Variants in CSMD1 observed in about 807,000 individuals in gnomAD.
The protein encoded by CSMD1 is CUB and Sushi multiple domains 1, also known as CUB and sushi domain-containing protein 1.
CSMD1 carries 213 observed loss-of-function variants against 417.5 expected under a neutral mutation model. The ratio of observed to expected loss-of-function variants is 0.51; its 90% confidence interval spans 0.46 to 0.57. The LOEUF is 0.57. Among genes scored for constraint, CSMD1 ranks in the 20% least tolerant of loss-of-function variants. The probability of loss-of-function intolerance (pLI) is 0.00; values close to 1 mark genes in which losing one functional copy is unlikely to be tolerated. For synonymous variants in CSMD1, 2,862 were observed against 1,736.8 expected (o/e 1.65, Z -16.11); for missense variants, 6,923 against 4,529.7 (o/e 1.53, Z -15.17).
intron 2 of CSMD1, among the ~76,000 whole-genome samples, chr8:4,555,872 G>C (rs1013592936): frequency 6.8e-4 from 104 of 152,090 alleles, no homozygotes; most frequent in African/African-American, 2.4e-3. Context: ...AGACTGAAAA[G>C]ACTTTCTTTA....
intron 1 of CSMD1, among the ~76,000 whole-genome samples, chr8:4,977,626 C>A (rs1399109245): frequency 6.6e-6 from 1 of 152,204 alleles, no homozygotes; most frequent in Non-Finnish European, 1.5e-5. Flanking sequence ...CCACCCACAG[C>A]TGCTGCCTTA....
intron 1 of CSMD1, among the ~76,000 whole-genome samples, chr8:4,943,922 G>C (rs1310624618): frequency 6.6e-6 from 1 of 152,206 alleles, no homozygotes; most frequent in Non-Finnish European, 1.5e-5. Flanking sequence ...GGAGGGCCGA[G>C]CTGGATATTG....
chr8:3,294,244 C>G (rs571386043), intron 25 of CSMD1, among the ~76,000 whole-genome samples: 2 of 151,520 alleles, frequency 1.3e-5, no homozygotes, highest in African/African-American at 4.8e-5. Context: ...CTGGGGGGTG[C>G]CTCCCAGTTA....
At chr8:4,554,164 T>C (rs1797991535) in intron 2 of CSMD1, among the ~76,000 whole-genome samples, 1 of 152,056 alleles carries the variant, frequency 6.6e-6, no homozygotes. Flanking sequence ...TGAGGCAGAG[T>C]CTCGATCTGT....
rs114989898 is a variant in CSMD1, at chr8:3,836,883, G to A, written c.819-82841C>T. On this transcript the variant is annotated intron_variant, in intron 5 of 69. Transcript: ENST00000635120. The stretch of plus-strand genomic sequence containing the variant: ...TATTTAATATAACTTGACTAAAGCA[G>A]TTCTTTAACATTTTTTTTTCAGGAC... Among the ~76,000 whole-genome samples the A allele has an allele frequency of 3.6e-3, 547 of 151,848 alleles. 3 individuals carry two copies. Among genetic ancestry groups the A allele is most frequent in the African/African-American group, 0.012 (516 of 41,424 alleles).
At chr8:3,984,152 C>G (rs1329036504) in intron 5 of CSMD1, among the ~76,000 whole-genome samples, 2 of 152,154 alleles carry the variant, frequency 1.3e-5, no homozygotes, top group Non-Finnish European at 1.5e-5. Flanking sequence ...AATTGCAGCT[C>G]TAGAGCACAT....
intron 5 of CSMD1, among the ~76,000 whole-genome samples, chr8:3,851,412 C>T (rs1184510024): frequency 2.6e-5 from 4 of 152,198 alleles, no homozygotes; most frequent in African/African-American, 9.7e-5. Context: ...ATATGTAGCA[C>T]TACCAATTTC....
chr8:3,096,318 T>C (rs886436579), intron 47 of CSMD1, among the ~76,000 whole-genome samples: 1 of 152,192 alleles, frequency 6.6e-6, no homozygotes, highest in African/African-American at 2.4e-5. Context: ...CCACCTATCG[T>C]GGGACAAATC....
At chr8:3,687,813 C>A (rs1223640497) in intron 7 of CSMD1, among the ~76,000 whole-genome samples, 1 of 152,178 alleles carries the variant, frequency 6.6e-6, no homozygotes, top group African/African-American at 2.4e-5. Flanking sequence ...AAGTCTCTCT[C>A]GAGAAAGGTA....
chr8:4,797,371 G>C (rs17432441), intron 1 of CSMD1, among the ~76,000 whole-genome samples: 18,924 of 152,246 alleles, frequency 0.12, 1,552 homozygotes, highest in Non-Finnish European at 0.18. Context: ...CTGTGAAAGA[G>C]TGTTCCGCCT....
chr8:3,839,061 T>A (rs1221013478), intron 5 of CSMD1, among the ~76,000 whole-genome samples: 3 of 127,022 alleles, frequency 2.4e-5, no homozygotes, highest in African/African-American at 8.6e-5. Context: ...ATATATAGCC[T>A]ATAGATATAT....
At chr8:4,834,906 G>A (rs555070512) in intron 1 of CSMD1, among the ~76,000 whole-genome samples, 2 of 127,782 alleles carry the variant, frequency 1.6e-5, no homozygotes, top group Admixed American at 9.5e-5. Context: ...GCAGTGATCT[G>A]AGATGGCGCC....
chr8:4,003,708 G>C lies in CSMD1; in HGVS notation c.611-5598C>G, dbSNP rs888891017. On this transcript the variant is annotated intron_variant, in intron 4 of 69. Coordinates refer to ENST00000635120, the MANE Select transcript of CSMD1 (RefSeq NM_033225.6). The stretch of plus-strand genomic sequence containing the variant: ...CCTAATATCAACATGCATTAACACA[G>C]TGCTTCAGGCGATTTACCAACACAG... Among the ~76,000 whole-genome samples, 3 of 152,102 alleles carry C rather than the reference G, an allele frequency of 2.0e-5. No individual in the cohort carries two copies. The South Asian group carries it at 6.2e-4, about 31-fold the overall frequency.
chr8:4,013,105 C>G (rs752176577), intron 4 of CSMD1, among the ~76,000 whole-genome samples: 5 of 152,108 alleles, frequency 3.3e-5, no homozygotes, highest in African/African-American at 4.8e-5. Context: ...CTGTGTCACA[C>G]GATGTCGTTT....
In CSMD1 at chr8:3,738,327, T is replaced by A. The variant is rs17067262; in HGVS notation, c.931+15603A>T. ...TGTATGTGTATTTTGCATATTTCAA[T>A]ACATCGTACAATGCATACAGGCATT... On this transcript the variant is annotated intron_variant, in intron 6 of 69. Transcript: ENST00000635120. Among the ~76,000 whole-genome samples, 1,223 of 152,326 alleles carry A rather than the reference T, an allele frequency of 8.0e-3. 18 individuals carry two copies. Among genetic ancestry groups the A allele is most frequent in the African/African-American group, 0.028 (1,151 of 41,570 alleles).
chr8:3,872,171 G>A (rs1005259190), intron 5 of CSMD1, among the ~76,000 whole-genome samples: 1 of 152,104 alleles, frequency 6.6e-6, no homozygotes, highest in Non-Finnish European at 1.5e-5. Flanking sequence ...TGGATCCTCA[G>A]TTAAATTACA....
In CSMD1 at chr8:4,886,196, G is replaced by T. The variant is rs148023288; in HGVS notation, c.85+108136C>A. Among the ~76,000 whole-genome samples, 137 of 151,992 alleles carry T rather than the reference G, an allele frequency of 9.0e-4. 1 individual carries two copies. The highest frequency in any genetic ancestry group is 3.1e-3 in the African/African-American group (129 of 41,396). ...AGTAAAGATCAGGTTTCACCATGTT[G>T]GCCAGGCTGGTCTCAAACTCCTGAC... is the stretch of plus-strand genomic sequence containing the variant. On this transcript the variant is annotated intron_variant, in intron 1 of 69. Coordinates refer to ENST00000635120, the MANE Select transcript of CSMD1 (RefSeq NM_033225.6).
At position 4,946,025 on chromosome 8, in the gene CSMD1, C is replaced by A. The variant is rs183572840; in HGVS notation, c.85+48307G>T. On this transcript the variant is annotated intron_variant, in intron 1 of 69. Coordinates refer to ENST00000635120, the MANE Select transcript of CSMD1 (RefSeq NM_033225.6). ...ATAAGAACCAGTGGGCTCTTGTGAA[C>A]ATCAGACTTCTCCCGTCTGCTGTGG... 1.3e-3 allele frequency among the ~76,000 whole-genome samples: 203 copies of A among 152,278 alleles called. 1 individual carries two copies. The highest frequency in any genetic ancestry group is 4.6e-3 in the African/African-American group (192 of 41,556).
intron 26 of CSMD1, among the ~76,000 whole-genome samples, chr8:3,234,910 T>C (rs1307436234): frequency 1.3e-5 from 2 of 152,248 alleles, no homozygotes; most frequent in African/African-American, 2.4e-5. Context: ...TCAACTGTTG[T>C]TGAGATTTCT....
Sources: allele counts gnomAD v4.1 joint callset (sites outside exome capture counted in the v4.1 genomes callset), GRCh38; gene constraint gnomAD v4.1.1; transcripts MANE v1.5; gene names NCBI Gene and HGNC (gene_info 2026-07-23, HGNC 2026-07-21).